Variants in LIN28B observed in about 807,000 individuals in gnomAD.
LIN28B encodes protein lin-28 homolog B.
Under a neutral mutation model 21.9 loss-of-function variants are expected in LIN28B, and 5 were observed. That is an observed-to-expected ratio of 0.23 (90% CI 0.12 to 0.48). The LOEUF (loss-of-function observed/expected upper bound fraction) is 0.48, where lower values mean the gene tolerates loss of function less well. LIN28B is among the 20% of genes least tolerant of loss of function. LIN28B has a pLI of 0.98. For synonymous variants in LIN28B, 109 were observed against 111.3 expected (o/e 0.98, Z 0.13); for missense variants, 245 against 310.5 (o/e 0.79, Z 1.58).
At chr6:104,945,438 G>A (rs1430173142) in intron 2 of LIN28B, among the ~76,000 whole-genome samples, 10 of 151,992 alleles carry the variant, frequency 6.6e-5, no homozygotes, top group Admixed American at 5.9e-4. Flanking sequence ...AACTTAAAAT[G>A]TATGTCAATA....
intron 2 of LIN28B, among the ~76,000 whole-genome samples, chr6:105,001,902 A>G (rs753219225): frequency 6.6e-6 from 1 of 152,134 alleles, no homozygotes; most frequent in Non-Finnish European, 1.5e-5. Context: ...GAGGGGAGAA[A>G]AAGTATGTAG....
At chr6:105,073,983 GAATT>G (rs1251803820) in intron 3 of LIN28B, among the ~76,000 whole-genome samples, 1 of 152,108 alleles carries the variant, frequency 6.6e-6, no homozygotes, top group African/African-American at 2.4e-5. Flanking sequence ...TCTGATTTCT[GAATT>G]AGTTTTCATT....
intron 2 of LIN28B, among the ~76,000 whole-genome samples, chr6:104,981,760 A>C (rs1770231416): frequency 6.6e-6 from 1 of 152,242 alleles, no homozygotes; most frequent in Non-Finnish European, 1.5e-5. Flanking sequence ...GATACCCAGA[A>C]AAACAAGGGA....
Position 105,046,300 on chromosome 6 carries a change from AATG to A in LIN28B, c.383+19822_383+19824del, listed in dbSNP as rs1771759867. Among the ~76,000 whole-genome samples, 3 of 152,208 alleles carry A rather than the reference AATG, an allele frequency of 2.0e-5. No homozygotes were observed. In the South Asian group the frequency reaches 6.2e-4, roughly 32 times the overall value. On this transcript the variant is annotated intron_variant, in intron 3 of 3. Transcript: ENST00000345080. ...TTTGTCCTTGCGATAGTTTGCTGAG[AATG>A]ATGGTTTCCAGCTTCATCCATGTCC...
chr6:105,042,319 C>G (rs73521948), intron 3 of LIN28B, among the ~76,000 whole-genome samples: 1 of 152,140 alleles, frequency 6.6e-6, no homozygotes, highest in Non-Finnish European at 1.5e-5. Flanking sequence ...AGACAATGAG[C>G]TTGTACTATA....
At chr6:104,938,618 G>A (rs960605485) in intron 2 of LIN28B, among the ~76,000 whole-genome samples, 3 of 147,202 alleles carry the variant, frequency 2.0e-5, no homozygotes, top group Non-Finnish European at 4.5e-5. Context: ...AAGCCTGGGG[G>A]ACATAGTGAG....
At chr6:104,949,235 A>G (rs1381352958) in intron 2 of LIN28B, among the ~76,000 whole-genome samples, 2 of 152,228 alleles carry the variant, frequency 1.3e-5, no homozygotes, top group Non-Finnish European at 2.9e-5. Context: ...CAGATGTGCA[A>G]AATAAAACTT....
rs546607802 is a variant in LIN28B at position 104,967,855 on chromosome 6, G to A, written c.198+9569G>A. ...CACCATGCCTGGCACATGCCACTGCGCCTGGCTAATTTTTAAAATTTTTTG... is the reference window on the plus strand; with the variant it reads ...CACCATGCCTGGCACATGCCACTGCACCTGGCTAATTTTTAAAATTTTTTG... On this transcript the variant is annotated intron_variant, in intron 2 of 3. Coordinates refer to ENST00000345080, the MANE Select transcript of LIN28B (RefSeq NM_001004317.4). Among the ~76,000 whole-genome samples, 93 of 151,878 alleles carry A rather than the reference G, an allele frequency of 6.1e-4. 1 individual carries two copies. Among genetic ancestry groups the A allele is most frequent in the African/African-American group, 2.0e-3 (83 of 41,468 alleles).
At chr6:105,065,888 G>A (rs1437506321) in intron 3 of LIN28B, among the ~76,000 whole-genome samples, 3 of 152,124 alleles carry the variant, frequency 2.0e-5, no homozygotes, top group African/African-American at 7.2e-5. Context: ...CAGGGGGCTG[G>A]GGGTATTCTG....
At chr6:104,977,808 C>T (rs1770131905) in intron 2 of LIN28B, among the ~76,000 whole-genome samples, 1 of 152,080 alleles carries the variant, frequency 6.6e-6, no homozygotes, top group Admixed American at 6.5e-5. Context: ...CCTCATGATA[C>T]CCCCGCCTTG....
At chr6:104,973,765 T>C (rs1489887335) in intron 2 of LIN28B, among the ~76,000 whole-genome samples, 1 of 152,254 alleles carries the variant, frequency 6.6e-6, no homozygotes, top group African/African-American at 2.4e-5. Context: ...ATGTCTGTTC[T>C]GTCTCTTTAG....
Position 105,079,015 on chromosome 6 carries a change from T to C in LIN28B, c.*232T>C. The C allele has an allele frequency of 2.1e-6, 1 of 470,238 alleles. No individual in the cohort carries two copies. The highest frequency in any genetic ancestry group is 3.8e-6 in the Non-Finnish European group (1 of 264,750). The allele number at this position is 470,238 out of a possible 1,614,324, so 29.1% of individuals were successfully genotyped here. A position where few individuals can be genotyped will look rare whatever the true frequency, so the allele number is the denominator to read the frequency against. The stretch of plus-strand genomic sequence containing the variant: ...CTATGTCTGTCAATATGTGCATGTG[T>C]GAGAGGGAGAGAGCCTGAGTCTGTG... On this transcript the variant is annotated 3_prime_UTR_variant, in exon 4 of 4. Coordinates refer to ENST00000345080, the MANE Select transcript of LIN28B (RefSeq NM_001004317.4).
intron 3 of LIN28B, among the ~76,000 whole-genome samples, chr6:105,053,775 C>T (rs1265079975): frequency 1.3e-5 from 2 of 149,590 alleles, no homozygotes; most frequent in Admixed American, 1.3e-4. Context: ...TCTTGTAGCC[C>T]AGGCTGGAGT....
chr6:104,951,203 A>G (rs1343055482), intron 3 of LIN28B, among the ~76,000 whole-genome samples: 2 of 152,124 alleles, frequency 1.3e-5, no homozygotes, highest in African/African-American at 4.8e-5. Context: ...CTCTGGCTTG[A>G]CCATACCACT....
At chr6:105,021,787 A>G (rs1011875600) in intron 2 of LIN28B, among the ~76,000 whole-genome samples, 4 of 152,026 alleles carry the variant, frequency 2.6e-5, no homozygotes, top group Non-Finnish European at 5.9e-5. Flanking sequence ...CACTCTGTTG[A>G]TTATTTCTTT....
chr6:105,031,953 C>G (rs1318539855), intron 3 of LIN28B, among the ~76,000 whole-genome samples: 1 of 152,128 alleles, frequency 6.6e-6, no homozygotes, highest in East Asian at 1.9e-4. Context: ...CACCTATAAC[C>G]CCTGGCAGCC....
At chr6:105,038,631 T>C (rs1012054395) in intron 3 of LIN28B, among the ~76,000 whole-genome samples, 3 of 152,194 alleles carry the variant, frequency 2.0e-5, no homozygotes, top group African/African-American at 7.2e-5. Context: ...TTCTGTGAAA[T>C]ACAGGTGCTA....
At chr6:104,953,952 T>C (rs1397131617), upstream of LIN28B, among the ~76,000 whole-genome samples, 1 of 152,194 alleles carries the variant, frequency 6.6e-6, no homozygotes, top group African/African-American at 2.4e-5. Context: ...CTCTTTCGGC[T>C]CCTTGTACTG....
intron 2 of LIN28B, among the ~76,000 whole-genome samples, chr6:105,013,436 T>C (rs973877504): frequency 2.0e-5 from 3 of 152,086 alleles, no homozygotes; most frequent in Non-Finnish European, 2.9e-5. Flanking sequence ...TGCTTACTTT[T>C]AAAAATCAAG....
Sources: gnomAD v4.1 joint callset for allele counts (sites outside exome capture counted in the v4.1 genomes callset) on GRCh38, gnomAD v4.1.1 for gene constraint, MANE v1.5 for transcripts, NCBI Gene and HGNC (gene_info 2026-07-23, HGNC 2026-07-21) for gene names.